Variants in SWT1 observed in about 807,000 individuals in gnomAD.
SWT1 encodes transcriptional protein SWT1.
Under a neutral mutation model 107.3 loss-of-function variants are expected in SWT1, and 33 were observed. The observed-to-expected ratio is 0.31, with a 90% CI of 0.23 to 0.41. The LOEUF (loss-of-function observed/expected upper bound fraction) is 0.41. Ranked by LOEUF, SWT1 falls within the 10% of genes least tolerant of loss-of-function variation. SWT1 has a pLI of 1.00. For synonymous variants in SWT1, 345 were observed against 348.3 expected, an observed-to-expected ratio of 0.99 and a Z score of 0.11; for missense variants, 898 against 1,028.9, an observed-to-expected ratio of 0.87 and a Z score of 1.74.
At chr1:185,253,484 G>C (rs1421019631) in intron 16 of SWT1, among the ~76,000 whole-genome samples, 1 of 151,016 alleles carries the variant, frequency 6.6e-6, no homozygotes, top group Non-Finnish European at 1.5e-5. Context: ...AGTTCTCCTT[G>C]AAGAGGTCCT....
intron 10 of SWT1, among the ~76,000 whole-genome samples, chr1:185,200,175 C>T (rs761574608): frequency 2.0e-5 from 3 of 151,902 alleles, no homozygotes; most frequent in East Asian, 3.9e-4. Context: ...TCTTAGCTTC[C>T]GTGCATTGAG....
Position 185,190,697 on chromosome 1 carries a change from A to T in SWT1, c.1523+55A>T, listed in dbSNP as rs565369010. 214 of 1,128,476 alleles carry T rather than the reference A, an allele frequency of 1.9e-4. 1 individual carries two copies. In the East Asian group the frequency reaches 3.3e-3, roughly 17 times the overall value. 69.9% of individuals were successfully genotyped at this position (1,128,476 alleles called of 1,614,324 possible). ...TTTTAAAAAATAAACCAAATAATTTAAAAAAATCATATGGTATCCAGCATA... is the reference window on the plus strand; with the variant it reads ...TTTTAAAAAATAAACCAAATAATTTTAAAAAATCATATGGTATCCAGCATA... On this transcript the variant is annotated intron_variant, in intron 10 of 18. Transcript: ENST00000367500.
intron 3 of SWT1, 59 bp from the exon 4 acceptor site, chr1:185,168,281 C>T: frequency 9.5e-7 from 1 of 1,056,818 alleles, no homozygotes; most frequent in Admixed American, 3.6e-5. Flanking sequence ...CTATCATAAA[C>T]TGTGGAAAAA....
chr1:185,185,332 G>A (rs1036772423), intron 9 of SWT1, among the ~76,000 whole-genome samples: 2 of 152,056 alleles, frequency 1.3e-5, no homozygotes, highest in Non-Finnish European at 2.9e-5. Flanking sequence ...TGTCAGAATC[G>A]GTAATAATGA....
At chr1:185,165,270 C>T (rs543965294) in intron 2 of SWT1, among the ~76,000 whole-genome samples, 89 of 152,196 alleles carry the variant, frequency 5.8e-4, no homozygotes, top group Non-Finnish European at 1.2e-3. Context: ...AGTATAACAA[C>T]AATGAAAACA....
At chr1:185,231,826 G>A in intron 16 of SWT1, 118 bp downstream of exon 16, 2 of 671,158 alleles carry the variant, frequency 3.0e-6, no homozygotes. Context: ...GCACTTTATA[G>A]CATGAAATCA....
chr1:185,271,734 TAC>T (rs1166483224), intron 17 of SWT1, among the ~76,000 whole-genome samples: 2 of 152,314 alleles, frequency 1.3e-5, no homozygotes, highest in East Asian at 1.9e-4. Context: ...TTGAATATAA[TAC>T]AGTCTTATTA....
Position 185,174,827 on chromosome 1 carries a change from C to A in SWT1, c.680C>A (p.Ser227Tyr), listed in dbSNP as rs1655399225. The change falls in exon 5 of 19, where the codon TCT becomes TAT. Residue 227 changes from serine (S) to tyrosine (Y), a missense_variant. Physicochemically the swap from Ser to Tyr is moderately radical, Grantham distance 144. Around this residue, in one of 6 missense-constraint regions of SWT1, gnomAD observed 382 missense variants for 362.4 expected, o/e 1.05. Coordinates refer to ENST00000367500, the MANE Select transcript of SWT1 (RefSeq NM_017673.7). ...SNKIIKEPLG[S>Y]RRQKISFKIP... ...AAGATAATTAAGGAACCCTTGGGATCTAGAAGACAGAAGATCAGTTTCAAA... is the reference window on the plus strand; with the variant it reads ...AAGATAATTAAGGAACCCTTGGGATATAGAAGACAGAAGATCAGTTTCAAA... 6.2e-7 allele frequency: 1 copy of A among 1,613,966 alleles called. No homozygotes were observed.
intron 4 of SWT1, among the ~76,000 whole-genome samples, chr1:185,172,566 A>C (rs1269865563): frequency 6.6e-6 from 1 of 152,046 alleles, no homozygotes; most frequent in South Asian, 2.1e-4. Flanking sequence ...TCACCTTGGT[A>C]TGGTTTCTAA....
At chr1:185,222,139 A>G in intron 15 of SWT1, 103 bp downstream of exon 15, 1 of 713,572 alleles carries the variant, frequency 1.4e-6, no homozygotes, top group Non-Finnish European at 2.1e-6. Flanking sequence ...ACGTTTCAAT[A>G]GATATATGTG....
intron 15 of SWT1, among the ~76,000 whole-genome samples, chr1:185,222,482 C>T (rs1031114470): frequency 1.3e-5 from 2 of 152,008 alleles, no homozygotes; most frequent in Admixed American, 6.6e-5. Context: ...TTAGGCCGGG[C>T]GTGGTGGCTT....
intron 18 of SWT1, among the ~76,000 whole-genome samples, chr1:185,282,678 T>G (rs1664709565): frequency 6.6e-6 from 1 of 151,984 alleles, no homozygotes; most frequent in Non-Finnish European, 1.5e-5. Context: ...TTGTCTGAAG[T>G]GGGGGGCAGT....
At chr1:185,240,883 G>A (rs755962044) in intron 16 of SWT1, among the ~76,000 whole-genome samples, 10 of 151,874 alleles carry the variant, frequency 6.6e-5, no homozygotes, top group South Asian at 2.1e-4. Flanking sequence ...CCATTTTAAC[G>A]TAAGAACAGA....
chr1:185,284,322 A>G (rs902455699), intron 18 of SWT1, among the ~76,000 whole-genome samples: 2 of 152,212 alleles, frequency 1.3e-5, no homozygotes, highest in African/African-American at 4.8e-5. Context: ...TTCTGTTATT[A>G]GAATTCTTTA....
Position 185,271,405 on chromosome 1 carries a change from T to TA in SWT1, c.2508+20dup. The TA allele has an allele frequency of 7.9e-7, 1 of 1,268,316 alleles. No homozygotes were observed. The highest frequency in any genetic ancestry group is 1.1e-6 in the Non-Finnish European group (1 of 874,930). 78.6% of individuals were successfully genotyped at this position (1,268,316 alleles called of 1,614,324 possible). A position where few individuals can be genotyped will look rare whatever the true frequency, so the allele number is the denominator to read the frequency against. Reference sequence around the variant, plus strand: ...CAAGTATGAGGTATGGGAAATATTTTAAAATATTTATCACATTTCTACTTT... The same window carrying TA: ...CAAGTATGAGGTATGGGAAATATTTTAAAAATATTTATCACATTTCTACTTT... On this transcript the variant is annotated intron_variant, in intron 17 of 18. Coordinates refer to ENST00000367500, the MANE Select transcript of SWT1 (RefSeq NM_017673.7).
At chr1:185,204,626 G>T in intron 11 of SWT1, 74 bp from the exon 12 acceptor site, 2 of 683,340 alleles carry the variant, frequency 2.9e-6, no homozygotes. Context: ...TACTGTTTAT[G>T]GCAATATACT....
chr1:185,222,726 G>T (rs770157462), intron 15 of SWT1, among the ~76,000 whole-genome samples: 1 of 130,386 alleles, frequency 7.7e-6, no homozygotes, highest in Non-Finnish European at 1.5e-5. Context: ...CTGTGCCACT[G>T]CACTCCAGCC....
chr1:185,228,167 G>GTATATATATATATATA lies in SWT1; in HGVS notation c.2310-3409_2310-3408insATATATATATATATAT, dbSNP rs1157576166. On this transcript the variant is annotated intron_variant, in intron 15 of 18. Transcript: ENST00000367500. ...ACAGTATGTCACATTAAAAAAAAAT[G>GTATATATATATATATA]TGTATATATATATATATATATACAT... is the stretch of plus-strand genomic sequence containing the variant. Among the ~76,000 whole-genome samples, 10 of 61,554 alleles carry GTATATATATATATATA rather than the reference G, an allele frequency of 1.6e-4. No homozygotes were observed. The East Asian group carries it at 1.9e-3, about 12-fold the overall frequency. The allele number at this position is 61,554 out of a possible 152,430, so 40.4% of individuals were successfully genotyped here.
chr1:185,199,682 T>C (rs1657702816), intron 10 of SWT1, among the ~76,000 whole-genome samples: 1 of 152,216 alleles, frequency 6.6e-6, no homozygotes, highest in Non-Finnish European at 1.5e-5. Flanking sequence ...TAACATTTTT[T>C]CCTCCATTTC....
Sources: gnomAD v4.1 joint callset for allele counts (sites outside exome capture counted in the v4.1 genomes callset) on GRCh38, gnomAD v4.1.1 for gene constraint, gnomAD v4.1.1 regional missense constraint, MANE v1.5 for transcripts, NCBI Gene and HGNC (gene_info 2026-07-23, HGNC 2026-07-21) for gene names.